ARHGAP18: variants seen among roughly 807,000 people sequenced by gnomAD.
ARHGAP18 encodes Rho GTPase activating protein 18, also known as rho GTPase-activating protein 18.
In ARHGAP18, 67 loss-of-function variants were observed where a neutral mutation model predicts 86.2. The ratio of observed to expected loss-of-function variants is 0.78; its 90% CI spans 0.64 to 0.95. The LOEUF is 0.95. Ranked by LOEUF, ARHGAP18 falls within the 40% of genes least tolerant of loss-of-function variation. ARHGAP18 has a pLI of 0.00. For missense variants in ARHGAP18, 691 were observed against 780.4 expected (o/e 0.89, Z 1.37); for synonymous variants, 283 against 280.4 (o/e 1.01, Z -0.09).
At chr6:129,689,295 T>C (rs1003660435) in intron 1 of ARHGAP18, among the ~76,000 whole-genome samples, 4 of 152,238 alleles carry the variant, frequency 2.6e-5, no homozygotes, top group South Asian at 2.1e-4. Flanking sequence ...TGGATGGTTT[T>C]GTTTTTTGTC....
intron 1 of ARHGAP18, among the ~76,000 whole-genome samples, chr6:129,659,794 C>G (rs887985471): frequency 6.6e-6 from 1 of 152,170 alleles, no homozygotes; most frequent in Non-Finnish European, 1.5e-5. Flanking sequence ...AACTCCATAT[C>G]CTAAGTGGTA....
intron 1 of ARHGAP18, among the ~76,000 whole-genome samples, chr6:129,665,319 T>C (rs888285955): frequency 6.6e-6 from 1 of 151,900 alleles, no homozygotes; most frequent in African/African-American, 2.4e-5. Context: ...CTGAGGCGGG[T>C]AGATCGCTTT....
chr6:129,696,209 T>C (rs1022206931), intron 1 of ARHGAP18, among the ~76,000 whole-genome samples: 3 of 152,206 alleles, frequency 2.0e-5, no homozygotes, highest in Non-Finnish European at 4.4e-5. Context: ...TGTCCCATAG[T>C]CCCTTAGAGT....
intron 1 of ARHGAP18, among the ~76,000 whole-genome samples, chr6:129,684,815 C>A (rs529346606): frequency 1.3e-5 from 2 of 152,126 alleles, no homozygotes; most frequent in Non-Finnish European, 2.9e-5. Flanking sequence ...AATTACTTAA[C>A]CCGAAGCCTA....
chr6:129,584,241 G>T, intron 12 of ARHGAP18, 129 bp from the exon 13 acceptor site: 2 of 1,295,200 alleles, frequency 1.5e-6, no homozygotes, highest in Non-Finnish European at 2.0e-6. Context: ...CTTAACTACT[G>T]TATAATGTAA....
At chr6:129,637,195 G>C (rs1773352105) in intron 3 of ARHGAP18, among the ~76,000 whole-genome samples, 1 of 151,692 alleles carries the variant, frequency 6.6e-6, no homozygotes, top group Admixed American at 6.6e-5. Context: ...CCCGCAAGTA[G>C]CTGGGTCTAC....
intron 12 of ARHGAP18, among the ~76,000 whole-genome samples, chr6:129,598,534 C>A (rs553368625): frequency 6.6e-6 from 1 of 152,192 alleles, no homozygotes; most frequent in Non-Finnish European, 1.5e-5. Context: ...CATGAACTTA[C>A]GCTACAGCTT....
intron 7 of ARHGAP18, among the ~76,000 whole-genome samples, chr6:129,615,383 A>AG (rs1168935023): frequency 2.0e-5 from 3 of 152,186 alleles, no homozygotes; most frequent in Non-Finnish European, 4.4e-5. Context: ...GGTAGATATG[A>AG]GGGGAAAAAA....
At chr6:129,598,322 T>A (rs2114445555) in intron 12 of ARHGAP18, among the ~76,000 whole-genome samples, 1 of 152,324 alleles carries the variant, frequency 6.6e-6, no homozygotes, top group Non-Finnish European at 1.5e-5. Flanking sequence ...GTGAGAGCTA[T>A]AAATAAATCT....
chr6:129,656,735 C>T (rs1417809224), intron 1 of ARHGAP18, among the ~76,000 whole-genome samples: 1 of 152,180 alleles, frequency 6.6e-6, no homozygotes, highest in African/African-American at 2.4e-5. Flanking sequence ...TGCTATGCCT[C>T]ATTTTAATTT....
chr6:129,601,759 T>C (rs896029013), intron 10 of ARHGAP18, among the ~76,000 whole-genome samples: 2 of 151,856 alleles, frequency 1.3e-5, no homozygotes, highest in Admixed American at 6.6e-5. Context: ...CCAGAGTAGC[T>C]GGGACCACAG....
chr6:129,654,709 A>T (rs931855085), intron 1 of ARHGAP18, among the ~76,000 whole-genome samples: 8 of 152,176 alleles, frequency 5.3e-5, no homozygotes, highest in Non-Finnish European at 7.4e-5. Context: ...TTCCGCCTCT[A>T]GTCTTCCATT....
At chr6:129,616,498 T>C (rs1186956099) in intron 6 of ARHGAP18, among the ~76,000 whole-genome samples, 195 bp from the exon 7 acceptor site, 1 of 152,148 alleles carries the variant, frequency 6.6e-6, no homozygotes, top group Non-Finnish European at 1.5e-5. Flanking sequence ...TATAGAGGAA[T>C]GTAGCAAGGA....
chr6:129,672,089 G>A (rs929102), intron 1 of ARHGAP18, among the ~76,000 whole-genome samples: 28,967 of 151,762 alleles, frequency 0.19, 3,521 homozygotes, highest in African/African-American at 0.35. Context: ...CCACCCACAC[G>A]TACACGCGCA....
intron 1 of ARHGAP18, among the ~76,000 whole-genome samples, chr6:129,688,634 AG>A (rs1774473847): frequency 6.6e-6 from 1 of 152,188 alleles, no homozygotes; most frequent in South Asian, 2.1e-4. Flanking sequence ...CTCTACTAAA[AG>A]TACAAAATTA....
chr6:129,587,958 C>A (rs1364506748), intron 12 of ARHGAP18, among the ~76,000 whole-genome samples: 1 of 152,144 alleles, frequency 6.6e-6, no homozygotes, highest in Non-Finnish European at 1.5e-5. Context: ...AAGTCTCTTC[C>A]ACCTATGAGC....
chr6:129,648,334 G>A (rs1773625662), intron 1 of ARHGAP18, among the ~76,000 whole-genome samples: 1 of 151,822 alleles, frequency 6.6e-6, no homozygotes, highest in South Asian at 2.1e-4. Flanking sequence ...ACTTCACCTG[G>A]CTAACTTTTT....
chr6:129,620,245 T>C (rs539602363), intron 5 of ARHGAP18, among the ~76,000 whole-genome samples: 84 of 152,358 alleles, frequency 5.5e-4, no homozygotes, highest in African/African-American at 1.9e-3. Context: ...TTTTAACTAA[T>C]TTGAATGAAA....
intron 1 of ARHGAP18, among the ~76,000 whole-genome samples, chr6:129,675,078 G>A (rs1039872975): frequency 2.0e-5 from 3 of 152,146 alleles, no homozygotes; most frequent in Non-Finnish European, 4.4e-5. Context: ...CATCTGCACA[G>A]GTATTTTTGC....
Sources: allele counts gnomAD v4.1 joint callset (sites outside exome capture counted in the v4.1 genomes callset), GRCh38; gene constraint gnomAD v4.1.1; transcripts MANE v1.5; gene names NCBI Gene and HGNC (gene_info 2026-07-23, HGNC 2026-07-21).